Variants in TBL1XR1 observed in about 807,000 individuals in gnomAD.
TBL1XR1 encodes TBL1X/Y related 1.
Under a neutral mutation model 66.9 loss-of-function variants are expected in TBL1XR1, and 5 were observed. The ratio of observed to expected loss-of-function variants is 0.07; its 90% CI spans 0.04 to 0.16. The LOEUF (loss-of-function observed/expected upper bound fraction) is 0.16. Ranked by LOEUF, TBL1XR1 falls within the 10% of genes least tolerant of loss-of-function variation. TBL1XR1 has a pLI of 1.00. For synonymous variants in TBL1XR1, 210 were observed against 206.0 expected, an observed-to-expected ratio of 1.02 and a Z score of -0.17; for missense variants, 238 against 623.2, an observed-to-expected ratio of 0.38 and a Z score of 6.58.
chr3:177,056,230 A>G (rs147249081), intron 3 of TBL1XR1, among the ~76,000 whole-genome samples: 3,505 of 152,322 alleles, frequency 0.023, 64 homozygotes, highest in Non-Finnish European at 0.036. Context: ...ATTTCTGTAT[A>G]CTTTATTCAT....
intron 2 of TBL1XR1, among the ~76,000 whole-genome samples, chr3:177,081,679 T>C (rs2108606306): frequency 6.6e-6 from 1 of 150,938 alleles, no homozygotes; most frequent in African/African-American, 2.4e-5. Flanking sequence ...TCTCTGAGGC[T>C]GCAGTATGCC....
At chr3:177,096,107 T>C (rs1288085736) in intron 2 of TBL1XR1, among the ~76,000 whole-genome samples, 1 of 152,160 alleles carries the variant, frequency 6.6e-6, no homozygotes, top group Non-Finnish European at 1.5e-5. Flanking sequence ...CTCTGGCATT[T>C]TCAGAGAAAA....
intron 2 of TBL1XR1, among the ~76,000 whole-genome samples, chr3:177,075,142 C>T (rs1720532507): frequency 6.6e-6 from 1 of 152,232 alleles, no homozygotes; most frequent in African/African-American, 2.4e-5. Context: ...GTTGGCAGTG[C>T]CACGATCCCT....
At chr3:177,096,715 G>T (rs559246318) in intron 2 of TBL1XR1, among the ~76,000 whole-genome samples, 83 of 152,162 alleles carry the variant, frequency 5.5e-4, no homozygotes, top group Non-Finnish European at 8.5e-4. Context: ...GATTTACCAT[G>T]AATCTGTTTC....
intron 1 of TBL1XR1, among the ~76,000 whole-genome samples, chr3:177,144,747 C>T (rs183853415): frequency 5.8e-4 from 88 of 150,438 alleles, no homozygotes; most frequent in African/African-American, 2.0e-3. Flanking sequence ...AGGGAGACTC[C>T]GTCCCAAAAA....
At chr3:177,153,270 A>G (rs1731109360) in intron 1 of TBL1XR1, among the ~76,000 whole-genome samples, 1 of 152,382 alleles carries the variant, frequency 6.6e-6, no homozygotes, top group Admixed American at 6.5e-5. Context: ...ATTTCTCACC[A>G]AGAGACCTGA....
At chr3:177,191,238 G>A (rs138163082) in intron 1 of TBL1XR1, among the ~76,000 whole-genome samples, 1 of 152,242 alleles carries the variant, frequency 6.6e-6, no homozygotes, top group Non-Finnish European at 1.5e-5. Context: ...CTCCAGCAGG[G>A]GAACTGACAA....
intron 2 of TBL1XR1, among the ~76,000 whole-genome samples, chr3:177,066,143 T>TA (rs1321987087): frequency 2.6e-5 from 4 of 152,120 alleles, no homozygotes; most frequent in East Asian, 1.9e-4. Context: ...TTCTTTATGA[T>TA]ACAGTTAGCA....
chr3:177,089,945 A>G (rs1160027214), intron 2 of TBL1XR1, among the ~76,000 whole-genome samples: 1 of 152,248 alleles, frequency 6.6e-6, no homozygotes, highest in Non-Finnish European at 1.5e-5. Context: ...TATATGTATC[A>G]AAAAAGACAT....
intron 14 of TBL1XR1, among the ~76,000 whole-genome samples, chr3:177,028,901 A>G (rs1268455780): frequency 6.6e-6 from 1 of 152,214 alleles, no homozygotes; most frequent in Non-Finnish European, 1.5e-5. Context: ...ATATACATGA[A>G]CTAGGTATAT....
chr3:177,038,218 T>A (rs765401283), intron 11 of TBL1XR1, 46 bp from the exon 12 acceptor site: 11 of 1,604,994 alleles, frequency 6.9e-6, no homozygotes. Flanking sequence ...ATAGACTGGG[T>A]AGCTACTTGA....
At chr3:177,092,522 T>C (rs182600889) in intron 2 of TBL1XR1, among the ~76,000 whole-genome samples, 2 of 152,234 alleles carry the variant, frequency 1.3e-5, no homozygotes, top group Non-Finnish European at 2.9e-5. Context: ...AAAAACATAT[T>C]AGGAGCAGTT....
At chr3:177,074,327 G>T (rs191701213) in intron 2 of TBL1XR1, among the ~76,000 whole-genome samples, 1 of 152,136 alleles carries the variant, frequency 6.6e-6, no homozygotes. Context: ...AATTGCTGTG[G>T]ATATATTAGA....
intron 14 of TBL1XR1, among the ~76,000 whole-genome samples, chr3:177,030,029 A>T (rs1041770481): frequency 6.6e-6 from 1 of 152,146 alleles, no homozygotes. Flanking sequence ...AAGAGCAGTT[A>T]GGCACAAGCA....
At chr3:177,105,289 A>G (rs1486907441) in intron 1 of TBL1XR1, among the ~76,000 whole-genome samples, 5 of 152,228 alleles carry the variant, frequency 3.3e-5, no homozygotes, top group African/African-American at 4.8e-5. Flanking sequence ...TTGTTTACAT[A>G]AAGTTTGATA....
At chr3:177,129,864 G>C (rs1304983713) in intron 1 of TBL1XR1, among the ~76,000 whole-genome samples, 1 of 152,054 alleles carries the variant, frequency 6.6e-6, no homozygotes, top group Non-Finnish European at 1.5e-5. Flanking sequence ...CACATATCCA[G>C]CAGGGTGCAG....
chr3:177,179,956 C>G (rs988180769), intron 1 of TBL1XR1, among the ~76,000 whole-genome samples: 1 of 152,112 alleles, frequency 6.6e-6, no homozygotes, highest in Non-Finnish European at 1.5e-5. Flanking sequence ...ATACCCACTA[C>G]AGGCTGGGTG....
Position 177,021,965 on chromosome 3 carries a change from A to G in TBL1XR1, c.*3533T>C, listed in dbSNP as rs1037548933. The stretch of plus-strand genomic sequence containing the variant: ...TGTCATTTTTGCTCACTTAAGTATG[A>G]TCATTTGTGATTCCTTTAAATAGCA... On this transcript the variant is annotated 3_prime_UTR_variant, in exon 16 of 16. Coordinates refer to ENST00000457928, the MANE Select transcript of TBL1XR1 (RefSeq NM_024665.7). 2 of 152,558 alleles carry G rather than the reference A, an allele frequency of 1.3e-5. No homozygotes were observed. Among genetic ancestry groups the G allele is most frequent in the African/African-American group, 4.8e-5 (2 of 41,440 alleles). 9.5% of individuals were successfully genotyped at this position (152,558 alleles called of 1,614,324 possible). A position where few individuals can be genotyped will look rare whatever the true frequency, so the allele number is the denominator to read the frequency against.
At chr3:177,094,972 T>TA (rs932030930) in intron 2 of TBL1XR1, among the ~76,000 whole-genome samples, 12 of 145,640 alleles carry the variant, frequency 8.2e-5, no homozygotes, top group African/African-American at 1.3e-4. Flanking sequence ...CCGACTGAAA[T>TA]AAAAAAAGAA....
Sources: allele counts gnomAD v4.1 joint callset (sites outside exome capture counted in the v4.1 genomes callset), GRCh38; gene constraint gnomAD v4.1.1; transcripts MANE v1.5; gene names NCBI Gene and HGNC (gene_info 2026-07-23, HGNC 2026-07-21).